The following ZNRF3 variants were observed in gnomAD, a reference collection of about 807,000 sequenced individuals.
The protein encoded by ZNRF3 is zinc and ring finger 3.
A neutral mutation model predicts 72.5 loss-of-function variants in ZNRF3; 23 were observed. The observed-to-expected ratio is 0.32, with a 90% CI of 0.23 to 0.45. The LOEUF (loss-of-function observed/expected upper bound fraction) is 0.45. Ranked by LOEUF, ZNRF3 falls within the 20% of genes least tolerant of loss-of-function variation. The pLI is 1.00. For missense variants in ZNRF3, 1,169 were observed against 1,272.1 expected (o/e 0.92, Z 1.23); for synonymous variants, 610 against 545.3 (o/e 1.12, Z -1.65).
chr22:28,976,664 A>G (rs1482741073), intron 1 of ZNRF3, among the ~76,000 whole-genome samples: 1 of 152,196 alleles, frequency 6.6e-6, no homozygotes, highest in East Asian at 1.9e-4. Flanking sequence ...AATCCTTTTC[A>G]TAATAAGAAC....
intron 2 of ZNRF3, among the ~76,000 whole-genome samples, chr22:28,989,723 C>T (rs1016657719): frequency 6.6e-6 from 1 of 152,122 alleles, no homozygotes; most frequent in Non-Finnish European, 1.5e-5. Context: ...GCCAGGCATT[C>T]GGAAAAGCCT....
chr22:29,020,761 TTTTGTGTGTGTGTGGGTGTG>T (rs1177925763), intron 2 of ZNRF3, among the ~76,000 whole-genome samples: 7 of 42,924 alleles, frequency 1.6e-4, no homozygotes, highest in African/African-American at 3.0e-4. Flanking sequence ...GGGGCTTTGT[TTTTGTGTGTGTGTGGGTGTG>T]TGTGTGTGTG....
intron 2 of ZNRF3, among the ~76,000 whole-genome samples, chr22:29,039,882 C>A (rs975650509): frequency 1.3e-5 from 2 of 151,914 alleles, no homozygotes; most frequent in African/African-American, 4.8e-5. Flanking sequence ...TCATTCGAGG[C>A]CAGGAGTTTG....
intron 1 of ZNRF3, among the ~76,000 whole-genome samples, chr22:28,985,947 C>T (rs979972306): frequency 1.2e-4 from 18 of 152,176 alleles, no homozygotes; most frequent in African/African-American, 3.9e-4. Flanking sequence ...TAGAGGCCAT[C>T]GTCATTTCTT....
intron 1 of ZNRF3, among the ~76,000 whole-genome samples, chr22:28,979,083 C>A (rs4822999): frequency 0.012 from 1,859 of 152,280 alleles, 41 homozygotes; most frequent in East Asian, 0.054. Context: ...ATCTAACCCA[C>A]TGGGTAATGA....
At chr22:29,028,064 A>T (rs988345101) in intron 2 of ZNRF3, among the ~76,000 whole-genome samples, 7 of 152,356 alleles carry the variant, frequency 4.6e-5, no homozygotes, top group Admixed American at 3.9e-4. Context: ...CTTAAACTCT[A>T]CTAATACAAA....
At chr22:28,933,338 T>C (rs1461368285) in intron 1 of ZNRF3, among the ~76,000 whole-genome samples, 1 of 152,184 alleles carries the variant, frequency 6.6e-6, no homozygotes, top group Admixed American at 6.5e-5. Context: ...GTTTTAGGTG[T>C]TATTGGGATT....
At chr22:28,943,731 T>G (rs1213880460) in intron 1 of ZNRF3, among the ~76,000 whole-genome samples, 1 of 152,196 alleles carries the variant, frequency 6.6e-6, no homozygotes, top group East Asian at 1.9e-4. Flanking sequence ...GTTTGTGTGT[T>G]GGCACTAAAC....
chr22:29,006,304 C>T (rs1033831880), intron 2 of ZNRF3, among the ~76,000 whole-genome samples: 21 of 151,430 alleles, frequency 1.4e-4, no homozygotes, highest in Admixed American at 4.6e-4. Flanking sequence ...ACCTCCACCT[C>T]CCGGGTTAAA....
intron 2 of ZNRF3, chr22:29,018,105 C>A (rs1441764881): frequency 1.9e-6 from 1 of 516,198 alleles, no homozygotes; most frequent in Non-Finnish European, 3.9e-6. Flanking sequence ...CAGACCGGAT[C>A]CAAACTGGAT....
At chr22:28,899,833 G>T (rs1482798389) in intron 1 of ZNRF3, among the ~76,000 whole-genome samples, 2 of 151,792 alleles carry the variant, frequency 1.3e-5, no homozygotes, top group Non-Finnish European at 2.9e-5. Flanking sequence ...GGGACCACAG[G>T]CGTGCACCAC....
intron 1 of ZNRF3, among the ~76,000 whole-genome samples, chr22:28,933,905 C>T (rs746069275): frequency 6.6e-5 from 10 of 151,310 alleles, no homozygotes; most frequent in South Asian, 2.1e-4. Flanking sequence ...TAGAGTTGCT[C>T]GGTGGAGATG....
In ZNRF3 at chr22:28,951,307, G is replaced by A. The variant is rs146972188; in HGVS notation, c.301-35769G>A. On this transcript the variant is annotated intron_variant, in intron 1 of 8. Coordinates refer to ENST00000544604, the MANE Select transcript of ZNRF3 (RefSeq NM_001206998.2). The stretch of plus-strand genomic sequence containing the variant: ...CCTTTTTTGGAGATTGAGTCTTTAC[G>A]GAGGTAATCAAGTTCAATTAAGGTC... Among the ~76,000 whole-genome samples the A allele has an allele frequency of 6.6e-3, 1,001 of 152,186 alleles. 12 individuals are homozygous for A. Among genetic ancestry groups the A allele is most frequent in the African/African-American group, 0.022 (928 of 41,496 alleles).
intron 2 of ZNRF3, among the ~76,000 whole-genome samples, chr22:29,003,298 C>A (rs1231370770): frequency 6.6e-6 from 1 of 152,054 alleles, no homozygotes; most frequent in East Asian, 1.9e-4. Context: ...GGGCGGATCA[C>A]GAGGGCAGGA....
chr22:28,988,380 A>G (rs2035893426), intron 2 of ZNRF3, among the ~76,000 whole-genome samples: 1 of 152,122 alleles, frequency 6.6e-6, no homozygotes, highest in African/African-American at 2.4e-5. Flanking sequence ...TCCAGACTTA[A>G]AGTAGCCCCT....
At chr22:28,913,595 A>G (rs573033715) in intron 1 of ZNRF3, among the ~76,000 whole-genome samples, 2 of 152,270 alleles carry the variant, frequency 1.3e-5, no homozygotes, top group East Asian at 3.9e-4. Flanking sequence ...TGGTAGGACT[A>G]TTTCTTCCAT....
intron 2 of ZNRF3, among the ~76,000 whole-genome samples, chr22:28,997,901 G>T (rs975682766): frequency 6.7e-6 from 1 of 149,136 alleles, no homozygotes; most frequent in Non-Finnish European, 1.5e-5. Flanking sequence ...CTACTCAGAA[G>T]GTTAACATGG....
chr22:28,933,040 G>A (rs1241406868), intron 1 of ZNRF3, among the ~76,000 whole-genome samples: 1 of 152,222 alleles, frequency 6.6e-6, no homozygotes, highest in Non-Finnish European at 1.5e-5. Context: ...TTCCACCTAT[G>A]ATAGTGGCCA....
intron 5 of ZNRF3, among the ~76,000 whole-genome samples, chr22:29,045,253 C>T (rs1016710036): frequency 5.3e-5 from 8 of 150,616 alleles, no homozygotes; most frequent in South Asian, 4.2e-4. Context: ...CCCAGCTACT[C>T]GGGAGGCTGA....
Sources: gnomAD v4.1 joint callset for allele counts (sites outside exome capture counted in the v4.1 genomes callset) on GRCh38, gnomAD v4.1.1 for gene constraint, MANE v1.5 for transcripts, NCBI Gene and HGNC (gene_info 2026-07-23, HGNC 2026-07-21) for gene names.